RAB2A: variants seen among roughly 807,000 people sequenced by gnomAD.
RAB2A encodes ras-related protein Rab-2A.
In RAB2A, 7 loss-of-function variants were observed where a neutral mutation model predicts 32.5. The observed-to-expected ratio is 0.22, with a 90% CI of 0.12 to 0.40. The LOEUF is 0.40. Among genes scored for constraint, RAB2A ranks in the 10% least tolerant of loss-of-function variants. The probability of loss-of-function intolerance (pLI) is 1.00; values close to 1 mark genes in which losing one functional copy is unlikely to be tolerated. For synonymous variants in RAB2A, 79 were observed against 85.2 expected (o/e 0.93, Z 0.40); for missense variants, 108 against 260.7 (o/e 0.41, Z 4.03).
chr8:60,565,713 T>A lies in RAB2A; in HGVS notation c.119-6333T>A, dbSNP rs1278679228. On this transcript the variant is annotated intron_variant, in intron 2 of 7. Coordinates refer to ENST00000262646, the MANE Select transcript of RAB2A (RefSeq NM_002865.3). ...TTTTTTTTTTTTTTTTTTTTTTTTT[T>A]TTTTTTTTTTTTTTTGAGACCAAGT... Among the ~76,000 whole-genome samples the A allele has an allele frequency of 8.6e-5, 4 of 46,258 alleles. 1 individual carries two copies. In the South Asian group the frequency reaches 3.2e-3, roughly 36 times the overall value. The allele number at this position is 46,258 out of a possible 152,430, so 30.3% of individuals were successfully genotyped here.
chr8:60,534,087 TA>T (rs1479190370), intron 1 of RAB2A, among the ~76,000 whole-genome samples: 5 of 152,128 alleles, frequency 3.3e-5, no homozygotes, highest in Non-Finnish European at 7.4e-5. Context: ...TTTGCCACAA[TA>T]ACTATAAGAA....
At chr8:60,539,239 A>C (rs1208552006) in intron 1 of RAB2A, among the ~76,000 whole-genome samples, 1 of 152,224 alleles carries the variant, frequency 6.6e-6, no homozygotes, top group African/African-American at 2.4e-5. Flanking sequence ...ACTGATAATA[A>C]AAGTACCATG....
chr8:60,569,749 G>A (rs115993373), intron 2 of RAB2A, among the ~76,000 whole-genome samples: 1,746 of 152,228 alleles, frequency 0.011, 40 homozygotes, highest in African/African-American at 0.039. Flanking sequence ...CTAGGCTCAA[G>A]CAATCCTCCC....
Position 60,553,433 on chromosome 8 carries a change from C to T in RAB2A, c.47-5419C>T, listed in dbSNP as rs547020540. ...TTTGATTGCATAACTAGGGTAGGGC[C>T]TAGCCAAACTGATGCATCAAAAAGA... is the stretch of plus-strand genomic sequence containing the variant. On this transcript the variant is annotated intron_variant, in intron 1 of 7. Transcript: ENST00000262646. Among the ~76,000 whole-genome samples the T allele has an allele frequency of 2.0e-5, 3 of 152,266 alleles. No homozygotes were observed. The East Asian group carries it at 5.8e-4, about 29-fold the overall frequency.
chr8:60,602,092 G>A lies in RAB2A; in HGVS notation c.474+10123G>A, dbSNP rs148185808. Among the ~76,000 whole-genome samples, 581 of 151,334 alleles carry A rather than the reference G, an allele frequency of 3.8e-3. 3 individuals carry two copies. Among genetic ancestry groups the A allele is most frequent in the African/African-American group, 0.011 (442 of 41,168 alleles). ...AAAGTCTTGCCATGTTGCCCAGGCT[G>A]GTCTCAGACTCCTGGGTTCAAGATA... On this transcript the variant is annotated intron_variant, in intron 6 of 7. Transcript: ENST00000262646.
chr8:60,615,690 G>T (rs1421456671), intron 6 of RAB2A, among the ~76,000 whole-genome samples: 4 of 152,034 alleles, frequency 2.6e-5, no homozygotes, highest in Non-Finnish European at 5.9e-5. Flanking sequence ...AGCCTTACTA[G>T]TATTTGGTTA....
chr8:60,541,033 A>G (rs1475730367), intron 1 of RAB2A, among the ~76,000 whole-genome samples: 6 of 152,092 alleles, frequency 3.9e-5, no homozygotes, highest in African/African-American at 9.7e-5. Context: ...CTGACAGACT[A>G]CCTTAGCCAG....
chr8:60,536,199 G>T (rs1459682842), intron 1 of RAB2A, among the ~76,000 whole-genome samples: 2 of 152,132 alleles, frequency 1.3e-5, no homozygotes, highest in Admixed American at 6.5e-5. Context: ...CAATTCAACA[G>T]GCTAACCAAC....
At chr8:60,526,024 T>TATAC (rs1260867040) in intron 1 of RAB2A, among the ~76,000 whole-genome samples, 6 of 62,520 alleles carry the variant, frequency 9.6e-5, no homozygotes, top group African/African-American at 4.5e-4. Context: ...TGTGTACATA[T>TATAC]ATATATATAT....
chr8:60,565,676 A>ATTTTTTTTTTTTTTT (rs71252885), intron 2 of RAB2A, among the ~76,000 whole-genome samples: 2 of 97,672 alleles, frequency 2.0e-5, no homozygotes, highest in Non-Finnish European at 2.1e-5. Context: ...TCTGTAGCTG[A>ATTTTTTTTTTTTTTT]TTTTTTTTTT....
At chr8:60,596,482 G>A (rs543406668) in intron 6 of RAB2A, among the ~76,000 whole-genome samples, 27 of 152,250 alleles carry the variant, frequency 1.8e-4, no homozygotes, top group Admixed American at 5.9e-4. Flanking sequence ...AAAAGTGGGC[G>A]AAGGATATGA....
In RAB2A at chr8:60,534,071, G is replaced by C. The variant is rs868053709; in HGVS notation, c.46+16818G>C. On this transcript the variant is annotated intron_variant, in intron 1 of 7. Coordinates refer to ENST00000262646, the MANE Select transcript of RAB2A (RefSeq NM_002865.3). ...GAAGACTGTCCCACCCTACAGAGAAGACCAATTTGCCACAATAACTATAAG... is the reference window on the plus strand; with the variant it reads ...GAAGACTGTCCCACCCTACAGAGAACACCAATTTGCCACAATAACTATAAG... 3.9e-5 allele frequency among the ~76,000 whole-genome samples: 6 copies of C among 152,262 alleles called. No homozygotes were observed. The South Asian group carries it at 1.0e-3, about 26-fold the overall frequency.
chr8:60,569,892 G>C lies in RAB2A; in HGVS notation c.119-2154G>C, dbSNP rs1808171711. The C allele has an allele frequency of 4.5e-6, 2 of 443,608 alleles. 1 individual carries two copies. The highest frequency in any genetic ancestry group is 3.2e-5 in the South Asian group (2 of 62,886). The allele number at this position is 443,608 out of a possible 1,614,324, so 27.5% of individuals were successfully genotyped here. Reference sequence around the variant, plus strand: ...TAAGGTAAGCAAAGAGAATATTCTAGAATGTCTGTAGTTATGTATGGAACC... The same window carrying C: ...TAAGGTAAGCAAAGAGAATATTCTACAATGTCTGTAGTTATGTATGGAACC... On this transcript the variant is annotated intron_variant, in intron 2 of 7. Coordinates refer to ENST00000262646, the MANE Select transcript of RAB2A (RefSeq NM_002865.3).
intron 3 of RAB2A, among the ~76,000 whole-genome samples, chr8:60,577,710 G>A (rs1048279155): frequency 3.3e-5 from 5 of 150,986 alleles, no homozygotes; most frequent in African/African-American, 9.7e-5. Flanking sequence ...TGCAAGCTTC[G>A]CCTGCCGGGT....
intron 1 of RAB2A, among the ~76,000 whole-genome samples, chr8:60,545,893 T>A (rs1807720145): frequency 6.6e-6 from 1 of 152,250 alleles, no homozygotes; most frequent in African/African-American, 2.4e-5. Flanking sequence ...TATTCATTAT[T>A]CATTAAATTA....
At chr8:60,524,107 G>A (rs1456740996) in intron 1 of RAB2A, among the ~76,000 whole-genome samples, 3 of 152,038 alleles carry the variant, frequency 2.0e-5, no homozygotes, top group African/African-American at 7.2e-5. Flanking sequence ...TGTCCCTGTT[G>A]TTCTCATTCC....
intron 6 of RAB2A, among the ~76,000 whole-genome samples, chr8:60,600,145 T>G (rs543377273): frequency 6.6e-6 from 1 of 150,706 alleles, no homozygotes; most frequent in African/African-American, 2.4e-5. Flanking sequence ...GATCTACAAA[T>G]GGCAAATAAG....
chr8:60,583,076 G>A (rs1172707264), intron 3 of RAB2A, among the ~76,000 whole-genome samples: 3 of 152,072 alleles, frequency 2.0e-5, no homozygotes, highest in Admixed American at 6.6e-5. Flanking sequence ...TAGAGGAAGG[G>A]TCAACAAGAG....
intron 1 of RAB2A, among the ~76,000 whole-genome samples, chr8:60,521,032 T>G (rs1315717746): frequency 6.6e-6 from 1 of 152,156 alleles, no homozygotes; most frequent in Non-Finnish European, 1.5e-5. Flanking sequence ...CTCAGGCTGG[T>G]CTCAAACTCC....
Sources: allele counts gnomAD v4.1 joint callset (sites outside exome capture counted in the v4.1 genomes callset), GRCh38; gene constraint gnomAD v4.1.1; transcripts MANE v1.5; gene names NCBI Gene and HGNC (gene_info 2026-07-23, HGNC 2026-07-21).